SLC25A21: variants seen among roughly 807,000 people sequenced by gnomAD.
SLC25A21 encodes the protein solute carrier family 25 member 21.
A neutral mutation model predicts 43.8 loss-of-function variants in SLC25A21; 47 were observed. The observed-to-expected ratio is 1.07, with a 90% CI of 0.85 to 1.37. The LOEUF (loss-of-function observed/expected upper bound fraction) is 1.37. SLC25A21 is among the 40% of genes most tolerant of loss of function. The pLI is 0.00. For synonymous variants in SLC25A21, 131 were observed against 121.3 expected, an observed-to-expected ratio of 1.08 and a Z score of -0.52; for missense variants, 352 against 350.2, an observed-to-expected ratio of 1.00 and a Z score of -0.04.
At chr14:36,804,232 C>T (rs1887962898) in intron 3 of SLC25A21, among the ~76,000 whole-genome samples, 1 of 152,100 alleles carries the variant, frequency 6.6e-6, no homozygotes, top group South Asian at 2.1e-4. Flanking sequence ...TTCCTTCTTC[C>T]CTAGATGAAA....
intron 3 of SLC25A21, among the ~76,000 whole-genome samples, chr14:36,780,017 C>T (rs541857931): frequency 6.6e-6 from 1 of 151,802 alleles, no homozygotes. Context: ...TTAATTTGAT[C>T]GTACTTCTTA....
At chr14:37,108,872 T>G (rs751136191) in intron 1 of SLC25A21, among the ~76,000 whole-genome samples, 1 of 152,036 alleles carries the variant, frequency 6.6e-6, no homozygotes, top group Non-Finnish European at 1.5e-5. Flanking sequence ...GTACCTTTCC[T>G]CAGTTTTCAA....
intron 1 of SLC25A21, among the ~76,000 whole-genome samples, chr14:37,129,132 T>C (rs1178279192): frequency 1.3e-5 from 2 of 152,290 alleles, no homozygotes; most frequent in East Asian, 3.9e-4. Flanking sequence ...CGGAAAGTGC[T>C]GGGTTAGAGG....
chr14:36,941,566 A>G, intron 1 of SLC25A21, among the ~76,000 whole-genome samples: 1 of 152,024 alleles, frequency 6.6e-6, no homozygotes, highest in Non-Finnish European at 1.5e-5. Flanking sequence ...TTTTCCGCAC[A>G]GAAAATCTGT....
At chr14:36,991,541 T>C (rs1464836769) in intron 1 of SLC25A21, among the ~76,000 whole-genome samples, 3 of 152,192 alleles carry the variant, frequency 2.0e-5, no homozygotes, top group Admixed American at 6.5e-5. Context: ...TTTGAATGTG[T>C]AATTGTATTA....
intron 1 of SLC25A21, among the ~76,000 whole-genome samples, chr14:36,951,235 C>CA (rs34543759): frequency 0.018 from 2,426 of 131,618 alleles, 36 homozygotes; most frequent in African/African-American, 0.036. Context: ...ACTGCCATTA[C>CA]AAAAAAAAAA....
At position 36,940,566 on chromosome 14, in the gene SLC25A21, C is replaced by T. The variant is rs1049270621; in HGVS notation, c.71-65562G>A. On this transcript the variant is annotated intron_variant, in intron 1 of 9. Coordinates refer to ENST00000331299, the MANE Select transcript of SLC25A21 (RefSeq NM_030631.4). ...TTTAATTGCCATATATAGTTAATAGCCTGGTCATTTTTTTCTAAATAAAAT... is the reference window on the plus strand; with the variant it reads ...TTTAATTGCCATATATAGTTAATAGTCTGGTCATTTTTTTCTAAATAAAAT... Among the ~76,000 whole-genome samples, 5 of 152,102 alleles carry T rather than the reference C, an allele frequency of 3.3e-5. No homozygotes were observed. The East Asian group carries it at 5.8e-4, about 18-fold the overall frequency.
At chr14:36,957,010 T>A (rs1470215027) in intron 1 of SLC25A21, among the ~76,000 whole-genome samples, 1 of 152,354 alleles carries the variant, frequency 6.6e-6, no homozygotes. Context: ...TGTTTTTCAA[T>A]GGCACAACAC....
At chr14:36,710,360 T>A in intron 7 of SLC25A21, among the ~76,000 whole-genome samples, 1 of 139,570 alleles carries the variant, frequency 7.2e-6, no homozygotes, top group African/African-American at 2.7e-5. Context: ...GTGACAAGAG[T>A]GAAACTCTGT....
chr14:36,960,594 T>C (rs1247052016), intron 1 of SLC25A21, among the ~76,000 whole-genome samples: 3 of 152,186 alleles, frequency 2.0e-5, no homozygotes, highest in Admixed American at 6.5e-5. Context: ...TTTTGTAATT[T>C]ACCCTCCTTT....
At chr14:36,893,911 G>T (rs977967826) in intron 1 of SLC25A21, among the ~76,000 whole-genome samples, 1 of 152,020 alleles carries the variant, frequency 6.6e-6, no homozygotes, top group Admixed American at 6.6e-5. Context: ...CTCTGTTTTG[G>T]TACCAGTACC....
chr14:36,868,095 G>A (rs1890264277), intron 2 of SLC25A21, among the ~76,000 whole-genome samples: 1 of 152,042 alleles, frequency 6.6e-6, no homozygotes, highest in Non-Finnish European at 1.5e-5. Flanking sequence ...AAGGAGAGCG[G>A]AGAAAAGGAG....
chr14:36,688,899 G>A (rs978934437), intron 7 of SLC25A21, among the ~76,000 whole-genome samples: 3 of 152,184 alleles, frequency 2.0e-5, no homozygotes, highest in Admixed American at 6.5e-5. Context: ...TGTTACATCC[G>A]AGTGAACCCA....
intron 1 of SLC25A21, among the ~76,000 whole-genome samples, chr14:36,896,477 G>A (rs148041674): frequency 0.015 from 2,300 of 152,192 alleles, 48 homozygotes; most frequent in African/African-American, 0.052. Context: ...ATACTGATGG[G>A]TCTTGACTCT....
intron 2 of SLC25A21, among the ~76,000 whole-genome samples, chr14:36,857,645 C>T (rs923088553): frequency 2.6e-5 from 4 of 152,210 alleles, no homozygotes; most frequent in African/African-American, 9.6e-5. Context: ...TATTTCAGCC[C>T]TCCTGCGTCC....
chr14:36,845,836 C>T (rs889489848), intron 2 of SLC25A21, among the ~76,000 whole-genome samples: 1 of 152,182 alleles, frequency 6.6e-6, no homozygotes, highest in African/African-American at 2.4e-5. Context: ...CTTGTGATCG[C>T]ACACTGGCGC....
At chr14:37,107,640 C>T (rs1334089877) in intron 1 of SLC25A21, among the ~76,000 whole-genome samples, 6 of 152,056 alleles carry the variant, frequency 3.9e-5, no homozygotes, top group Non-Finnish European at 8.8e-5. Context: ...ATATCATAGC[C>T]CTATAATGTA....
intron 3 of SLC25A21, among the ~76,000 whole-genome samples, chr14:36,801,770 C>T (rs551503716): frequency 9.2e-5 from 14 of 152,184 alleles, no homozygotes; most frequent in African/African-American, 3.1e-4. Context: ...ATTTTTTAAT[C>T]GACTGGAGTA....
chr14:36,791,788 T>C (rs1887492952), intron 3 of SLC25A21, among the ~76,000 whole-genome samples: 1 of 152,160 alleles, frequency 6.6e-6, no homozygotes, highest in Non-Finnish European at 1.5e-5. Flanking sequence ...ATAAACCTGG[T>C]GAGAAAATGA....
Sources: gnomAD v4.1 joint callset for allele counts (sites outside exome capture counted in the v4.1 genomes callset) on GRCh38, gnomAD v4.1.1 for gene constraint, MANE v1.5 for transcripts, NCBI Gene and HGNC (gene_info 2026-07-23, HGNC 2026-07-21) for gene names.